The following TUT7 variants were observed in gnomAD, a reference collection of about 807,000 sequenced individuals.
TUT7 encodes the protein terminal uridylyl transferase 7.
Under a neutral mutation model 165.9 loss-of-function variants are expected in TUT7, and 33 were observed. The observed-to-expected ratio is 0.20, with a 90% CI of 0.15 to 0.27. The LOEUF (loss-of-function observed/expected upper bound fraction) is 0.27, where lower values mean the gene tolerates loss of function less well. TUT7 is among the 10% of genes least tolerant of loss of function. The pLI, the probability that TUT7 is intolerant of heterozygous loss-of-function variation, is 1.00. For synonymous variants in TUT7, 552 were observed against 608.1 expected (o/e 0.91, Z 1.36); for missense variants, 1,338 against 1,762.3 (o/e 0.76, Z 4.31).
intron 9 of TUT7, 130 bp from the exon 10 acceptor site, chr9:86,337,668 GC>G (rs1454629878): frequency 1.8e-6 from 2 of 1,135,168 alleles, no homozygotes; most frequent in East Asian, 5.2e-5. Flanking sequence ...GCTGAAAATA[GC>G]AGTTACAAAA....
intron 2 of TUT7, among the ~76,000 whole-genome samples, chr9:86,349,467 CA>C (rs1424555170): frequency 6.6e-6 from 1 of 151,850 alleles, no homozygotes; most frequent in Non-Finnish European, 1.5e-5. Context: ...TCATTAATGG[CA>C]ATGTCCCAAA....
chr9:86,343,205 A>G (rs752330895), intron 5 of TUT7, 42 bp from the exon 6 acceptor site: 2 of 1,251,580 alleles, frequency 1.6e-6, no homozygotes, highest in African/African-American at 3.1e-5. Context: ...AATACAGTAG[A>G]ATTTCTCAAA....
chr9:86,324,062 C>A, intron 12 of TUT7, 102 bp from the exon 13 acceptor site: 1 of 1,058,682 alleles, frequency 9.4e-7, no homozygotes, highest in South Asian at 2.2e-5. Flanking sequence ...AGACAACAAA[C>A]AATGGTAAAA....
chr9:86,303,354 C>T (rs1473290167), intron 24 of TUT7, among the ~76,000 whole-genome samples, 153 bp from the exon 25 acceptor site: 1 of 152,146 alleles, frequency 6.6e-6, no homozygotes, highest in Non-Finnish European at 1.5e-5. Flanking sequence ...CAAACAAAAT[C>T]TAAGACCATC....
rs755460109 is a variant in TUT7 at position 86,323,439 on chromosome 9, C to T, written c.2311G>A (p.Glu771Lys). 3.3e-5 allele frequency: 54 copies of T among 1,614,238 alleles called. No homozygotes were observed. In the East Asian group the frequency reaches 1.2e-3, roughly 36 times the overall value. ...CGTGTGCTGCCACAGACAACATGCTCTCCACGTTTCTGATCAACAGTCAAC... is the reference window on the plus strand; with the variant it reads ...CGTGTGCTGCCACAGACAACATGCTTTCCACGTTTCTGATCAACAGTCAAC... ...HLLTVDQKRG[E>K]HVVCGSTRNN... The change falls in exon 13 of 27, where the codon GAG becomes AAG. Residue 771 changes from glutamate (E) to lysine (K), a missense_variant. By Grantham distance (56) the Glu-to-Lys change is moderately conservative. This residue lies in a region of TUT7 where 425 missense variants were observed against 474.9 expected (regional missense o/e 0.89). Transcript: ENST00000375963.
At chr9:86,344,783 T>G in intron 5 of TUT7, 194 bp downstream of exon 5, 1 of 561,198 alleles carries the variant, frequency 1.8e-6, no homozygotes, top group Non-Finnish European at 3.1e-6. Flanking sequence ...TGGAAACAGG[T>G]TTATAATGAC....
At chr9:86,326,681 T>C (rs1253728574) in intron 11 of TUT7, among the ~76,000 whole-genome samples, 1 of 152,172 alleles carries the variant, frequency 6.6e-6, no homozygotes, top group African/African-American at 2.4e-5. Context: ...TCCTGTATAT[T>C]ACAAGAGAAG....
Position 86,345,013 on chromosome 9 carries a change from G to A in TUT7, c.961C>T (p.Arg321Cys), listed in dbSNP as rs766227229. 1.1e-5 allele frequency: 17 copies of A among 1,612,794 alleles called. No homozygotes were observed. Among genetic ancestry groups the A allele is most frequent in the Non-Finnish European group, 1.2e-5 (14 of 1,179,604 alleles). Residue 321 changes from arginine (R) to cysteine (C), a missense_variant, in exon 5 of 27, where the codon CGT becomes TGT. Physicochemically the swap from Arg to Cys is radical, Grantham distance 180. Coordinates refer to ENST00000375963, the MANE Select transcript of TUT7 (RefSeq NM_024617.4). ...TGTTGGAACACATTTTCCATGATAC[G>A]TTTAATTTCCAGCCTCTGTTCCAAG... ...ENLEQRLEIK[R>C]IMENVFQHKL...
chr9:86,329,466 T>G (rs1019568679), intron 10 of TUT7, among the ~76,000 whole-genome samples: 6 of 150,484 alleles, frequency 4.0e-5, no homozygotes, highest in Non-Finnish European at 5.9e-5. Flanking sequence ...GAGGTTGCAG[T>G]GAGCCGAGAT....
chr9:86,352,739 A>T lies in TUT7; in HGVS notation c.461T>A (p.Leu154Gln), dbSNP rs762007355. ...TAGGCTTGTTAGGTCTTTATGAAAC[A>T]GTCGTCTTACAGTTCTGCAGCCTCT... ...DTRGCRTVRR[L>Q]FHKDLTSLET... is the part of the protein sequence containing the mutation. The change falls in exon 2 of 27, where the codon CTG becomes CAG. Residue 154 changes from leucine (L) to glutamine (Q), a missense_variant. Physicochemically the swap from Leu to Gln is moderately radical, Grantham distance 113. Around this residue, in one of 7 missense-constraint regions of TUT7, gnomAD observed 434 missense variants for 480.8 expected, o/e 0.90. Coordinates refer to ENST00000375963, the MANE Select transcript of TUT7 (RefSeq NM_024617.4). 1 of 1,614,228 alleles carries T rather than the reference A, an allele frequency of 6.2e-7. No homozygotes were observed.
chr9:86,328,568 A>T (rs1830016849), intron 10 of TUT7, 76 bp from the exon 11 acceptor site: 6 of 1,249,760 alleles, frequency 4.8e-6, no homozygotes, highest in Middle Eastern at 2.1e-4. Context: ...ATCTTGGAAT[A>T]AAAAAATACT....
At chr9:86,343,785 C>T (rs1014775100) in intron 5 of TUT7, among the ~76,000 whole-genome samples, 1 of 152,182 alleles carries the variant, frequency 6.6e-6, no homozygotes, top group Non-Finnish European at 1.5e-5. Context: ...ACACTTCACT[C>T]TTCAGAGGAA....
intron 2 of TUT7, among the ~76,000 whole-genome samples, chr9:86,348,881 C>A (rs772643942): frequency 3.3e-5 from 5 of 152,166 alleles, no homozygotes; most frequent in Non-Finnish European, 7.3e-5. Context: ...TGGACTAGCA[C>A]TGAAAGGCAA....
intron 4 of TUT7, 56 bp downstream of exon 4, chr9:86,345,613 G>C (rs1405211401): frequency 8.0e-7 from 1 of 1,257,496 alleles, no homozygotes; most frequent in African/African-American, 1.5e-5. Flanking sequence ...CCACAAAGAT[G>C]ACAAGTAATA....
chr9:86,300,515 G>C (rs527649490), intron 26 of TUT7, among the ~76,000 whole-genome samples: 1 of 152,278 alleles, frequency 6.6e-6, no homozygotes, highest in Non-Finnish European at 1.5e-5. Flanking sequence ...GTTCTGAGAA[G>C]TGAGAATGTA....
At chr9:86,317,163 T>C (rs1182429660) in intron 17 of TUT7, 56 bp downstream of exon 17, 15 of 1,497,894 alleles carry the variant, frequency 1.0e-5, no homozygotes, top group South Asian at 2.3e-5. Flanking sequence ...GGGAAGACTA[T>C]AGAAAACACT....
At chr9:86,314,534 T>C (rs1272497483) in intron 17 of TUT7, among the ~76,000 whole-genome samples, 2 of 152,192 alleles carry the variant, frequency 1.3e-5, no homozygotes, top group Non-Finnish European at 2.9e-5. Context: ...ACATTCCTGG[T>C]TCTCAAATAA....
intron 2 of TUT7, among the ~76,000 whole-genome samples, chr9:86,346,807 A>G (rs189829941): frequency 1.3e-5 from 2 of 152,324 alleles, no homozygotes; most frequent in East Asian, 1.9e-4. Context: ...GAAGGCAAGT[A>G]TATCTATAAT....
chr9:86,336,789 CT>C (rs1330117588), intron 10 of TUT7: 1 of 152,214 alleles, frequency 6.6e-6, no homozygotes, highest in African/African-American at 2.4e-5. Context: ...CATGTTGACT[CT>C]TTCAGATGGT....
Sources: gnomAD v4.1 joint callset for allele counts (sites outside exome capture counted in the v4.1 genomes callset) on GRCh38, gnomAD v4.1.1 for gene constraint, gnomAD v4.1.1 regional missense constraint, MANE v1.5 for transcripts, NCBI Gene and HGNC (gene_info 2026-07-23, HGNC 2026-07-21) for gene names.